The following CREB5 variants were observed in gnomAD, a reference collection of about 807,000 sequenced individuals.
CREB5 encodes the protein cAMP responsive element binding protein 5, also known as cyclic AMP-responsive element-binding protein 5.
CREB5 carries 19 observed loss-of-function variants against 57.1 expected under a neutral mutation model. That is an observed-to-expected ratio of 0.33 (90% CI 0.23 to 0.49). The LOEUF (loss-of-function observed/expected upper bound fraction) is 0.49. Ranked by LOEUF, CREB5 falls within the 20% of genes least tolerant of loss-of-function variation. CREB5 has a pLI of 0.99. For missense variants in CREB5, 579 were observed against 671.6 expected (o/e 0.86, Z 1.52); for synonymous variants, 238 against 238.3 (o/e 1.00, Z 0.01).
At chr7:28,457,776 T>C (rs1015308869) in intron 1 of CREB5, among the ~76,000 whole-genome samples, 4 of 152,096 alleles carry the variant, frequency 2.6e-5, no homozygotes, top group African/African-American at 9.7e-5. Context: ...TGGAACTGGG[T>C]TTGTCCCTGA....
At chr7:28,673,856 T>C (rs915941220) in intron 5 of CREB5, among the ~76,000 whole-genome samples, 11 of 151,872 alleles carry the variant, frequency 7.2e-5, no homozygotes, top group African/African-American at 2.7e-4. Context: ...GTATTTTTTG[T>C]AGAGACGGGG....
At chr7:28,594,205 A>G (rs1280422511) in intron 5 of CREB5, among the ~76,000 whole-genome samples, 1 of 152,204 alleles carries the variant, frequency 6.6e-6, no homozygotes, top group Non-Finnish European at 1.5e-5. Flanking sequence ...ATTGTGAACC[A>G]TATGTAAAAA....
At chr7:28,767,486 A>C (rs1468760024) in intron 7 of CREB5, among the ~76,000 whole-genome samples, 2 of 152,212 alleles carry the variant, frequency 1.3e-5, no homozygotes, top group Non-Finnish European at 2.9e-5. Context: ...TGAACTTGGC[A>C]GTGGTTCTGA....
At chr7:28,412,981 C>G (rs1787866552) in intron 1 of CREB5, 64 bp downstream of exon 1, 1 of 1,315,698 alleles carries the variant, frequency 7.6e-7, no homozygotes, top group South Asian at 2.1e-5. Flanking sequence ...TTAAATAGAA[C>G]CAATGTTGTA....
At chr7:28,789,709 T>A (rs190935340) in intron 7 of CREB5, among the ~76,000 whole-genome samples, 1 of 152,304 alleles carries the variant, frequency 6.6e-6, no homozygotes, top group East Asian at 1.9e-4. Context: ...CAAAGAGAAG[T>A]GTAACTGTTA....
chr7:28,442,637 G>C (rs185091475), intron 1 of CREB5, among the ~76,000 whole-genome samples: 1 of 152,066 alleles, frequency 6.6e-6, no homozygotes, highest in Admixed American at 6.6e-5. Context: ...TTGTCTTTTC[G>C]ATAATAGCCA....
At chr7:28,784,191 C>T (rs1221361325) in intron 7 of CREB5, among the ~76,000 whole-genome samples, 2 of 152,222 alleles carry the variant, frequency 1.3e-5, no homozygotes, top group Admixed American at 1.3e-4. Context: ...TCGTGGGACA[C>T]TTCAAGTCTT....
intron 1 of CREB5, among the ~76,000 whole-genome samples, chr7:28,400,579 G>T (rs867920610): frequency 6.6e-6 from 1 of 152,168 alleles, no homozygotes; most frequent in Admixed American, 6.5e-5. Flanking sequence ...AACCAGGAAG[G>T]GGGAGGAGAG....
intron 5 of CREB5, among the ~76,000 whole-genome samples, chr7:28,712,524 TTTA>T (rs752228734): frequency 1.5e-5 from 2 of 135,334 alleles, no homozygotes; most frequent in African/African-American, 2.9e-5. Flanking sequence ...AAAAAGAGAA[TTTA>T]TTATTATTAT....
At position 28,494,901 on chromosome 7, in the gene CREB5, G is replaced by T. The variant is rs766744683; in HGVS notation, c.76-5G>T. 1.9e-5 allele frequency: 29 copies of T among 1,562,796 alleles called. No homozygotes were observed. The South Asian group carries it at 3.0e-4, about 16-fold the overall frequency. On this transcript the variant is annotated splice_polypyrimidine_tract_variant and splice_region_variant and intron_variant, in intron 2 of 10. Coordinates refer to ENST00000357727, the MANE Select transcript of CREB5 (RefSeq NM_182898.4). ...CCCCTCCCTTTTTTTTTATTCGTCCGACAGCGCTTCCCAACAGAGGACCAT... is the reference window on the plus strand; with the variant it reads ...CCCCTCCCTTTTTTTTTATTCGTCCTACAGCGCTTCCCAACAGAGGACCAT...
intron 1 of CREB5, among the ~76,000 whole-genome samples, chr7:28,413,125 T>A (rs1468649153): frequency 2.0e-5 from 3 of 149,346 alleles, no homozygotes; most frequent in Non-Finnish European, 4.4e-5. Flanking sequence ...TGTGTGTGTG[T>A]GAATAAGACT....
chr7:28,380,214 T>G (rs1786940268), intron 1 of CREB5, among the ~76,000 whole-genome samples: 2 of 152,188 alleles, frequency 1.3e-5, no homozygotes, highest in South Asian at 4.1e-4. Context: ...TCTACAGCCA[T>G]AGGTAAGTTA....
At position 28,819,396 on chromosome 7, in the gene CREB5, G is replaced by T; in HGVS notation, c.*117G>T. ...AAGACTCCTCAGTTCTTCAAAGACT[G>T]GCTTTCATTTTTATAGTTATTATGG... On this transcript the variant is annotated 3_prime_UTR_variant, in exon 11 of 11. Coordinates refer to ENST00000357727, the MANE Select transcript of CREB5 (RefSeq NM_182898.4). 3 of 999,430 alleles carry T rather than the reference G, an allele frequency of 3.0e-6. No homozygotes were observed. Among genetic ancestry groups the T allele is most frequent in the Non-Finnish European group, 1.4e-6 (1 of 705,614 alleles). 61.9% of individuals were successfully genotyped at this position (999,430 alleles called of 1,614,324 possible).
At chr7:28,809,816 C>T (rs1808996607) in intron 9 of CREB5, among the ~76,000 whole-genome samples, 1 of 152,170 alleles carries the variant, frequency 6.6e-6, no homozygotes, top group African/African-American at 2.4e-5. Context: ...AAACTAATGT[C>T]TCCAAAGCAG....
intron 5 of CREB5, among the ~76,000 whole-genome samples, chr7:28,676,063 C>G (rs1009096848): frequency 6.6e-6 from 1 of 152,068 alleles, no homozygotes; most frequent in Non-Finnish European, 1.5e-5. Context: ...ACACAAAGCT[C>G]CTCTGAGTAA....
chr7:28,304,210 T>C (rs2109817), intron 1 of CREB5, among the ~76,000 whole-genome samples: 8,955 of 152,220 alleles, frequency 0.059, 396 homozygotes, highest in South Asian at 0.15. Context: ...GACCAGAACA[T>C]AGAAGAATAT....
intron 5 of CREB5, among the ~76,000 whole-genome samples, chr7:28,628,629 A>T (rs1052692587): frequency 6.6e-6 from 1 of 152,092 alleles, no homozygotes; most frequent in Non-Finnish European, 1.5e-5. Flanking sequence ...TGTCATGGAG[A>T]TGAGGGGACA....
At chr7:28,532,660 A>T (rs1793780821) in intron 4 of CREB5, among the ~76,000 whole-genome samples, 1 of 152,204 alleles carries the variant, frequency 6.6e-6, no homozygotes, top group Non-Finnish European at 1.5e-5. Flanking sequence ...AGTAATTGAA[A>T]ATTGGTATAT....
At chr7:28,439,329 A>C (rs1393729026) in intron 1 of CREB5, among the ~76,000 whole-genome samples, 1 of 152,164 alleles carries the variant, frequency 6.6e-6, no homozygotes, top group Non-Finnish European at 1.5e-5. Context: ...CTCTCCATGT[A>C]TACTTTGTGA....
Sources: allele counts gnomAD v4.1 joint callset (sites outside exome capture counted in the v4.1 genomes callset), GRCh38; gene constraint gnomAD v4.1.1; transcripts MANE v1.5; gene names NCBI Gene and HGNC (gene_info 2026-07-23, HGNC 2026-07-21).